KIFAP3: variants seen among roughly 807,000 people sequenced by gnomAD.
The protein encoded by KIFAP3 is kinesin associated protein 3, also known as kinesin-associated protein 3.
In KIFAP3, 68 loss-of-function variants were observed where a neutral mutation model predicts 106.5. The observed-to-expected ratio is 0.64, with a 90% CI of 0.53 to 0.78. KIFAP3 has a LOEUF of 0.78. Ranked by LOEUF, KIFAP3 falls within the 30% of genes least tolerant of loss-of-function variation. The pLI is 0.00. For missense variants in KIFAP3, 780 were observed against 941.8 expected, an observed-to-expected ratio of 0.83 and a Z score of 2.25; for synonymous variants, 320 against 311.5, an observed-to-expected ratio of 1.03 and a Z score of -0.29.
intron 9 of KIFAP3, among the ~76,000 whole-genome samples, chr1:170,017,878 G>A (rs1668604732): frequency 6.6e-6 from 1 of 152,244 alleles, no homozygotes; most frequent in East Asian, 1.9e-4. Context: ...GGCAATGAAG[G>A]CAAAAAATTA....
chr1:170,062,173 A>G (rs1671198000), intron 1 of KIFAP3, among the ~76,000 whole-genome samples: 2 of 151,378 alleles, frequency 1.3e-5, no homozygotes, highest in African/African-American at 4.9e-5. Context: ...TTAAAAAAAG[A>G]GTAAAATAAA....
At chr1:169,935,367 C>CA (rs1663732338) in intron 19 of KIFAP3, among the ~76,000 whole-genome samples, 1 of 152,018 alleles carries the variant, frequency 6.6e-6, no homozygotes, top group Non-Finnish European at 1.5e-5. Context: ...ACTGTCTACA[C>CA]AAATCTGGAT....
intron 19 of KIFAP3, among the ~76,000 whole-genome samples, chr1:169,924,801 G>T (rs935689631): frequency 1.6e-4 from 24 of 152,202 alleles, no homozygotes; most frequent in Admixed American, 8.5e-4. Context: ...AACAGAAGCA[G>T]ATAGATTCTT....
Position 170,024,413 on chromosome 1 carries a change from G to T in KIFAP3, c.1020+5C>A, listed in dbSNP as rs768282518. 1 of 1,532,014 alleles carries T rather than the reference G, an allele frequency of 6.5e-7. No individual in the cohort carries two copies. The highest frequency in any genetic ancestry group is 8.8e-7 in the Non-Finnish European group (1 of 1,134,306). 94.9% of individuals were successfully genotyped at this position (1,532,014 alleles called of 1,614,324 possible). A position where few individuals can be genotyped will look rare whatever the true frequency, so the allele number is the denominator to read the frequency against. On this transcript the variant is annotated splice_donor_5th_base_variant and intron_variant, in intron 9 of 19. Transcript: ENST00000361580. ...ACTATTTCAAGAAAAAGCTTTGTAA[G>T]TTACCATATCATTTTTATTCTCCAT...
chr1:169,983,871 G>A (rs983718307), intron 12 of KIFAP3, among the ~76,000 whole-genome samples: 4 of 151,728 alleles, frequency 2.6e-5, no homozygotes, highest in Non-Finnish European at 5.9e-5. Flanking sequence ...GAAAATAAGT[G>A]GCAATGAACT....
chr1:169,926,686 C>T (rs114533683), intron 19 of KIFAP3, among the ~76,000 whole-genome samples: 42,842 of 121,502 alleles, frequency 0.35, 7,160 homozygotes, highest in East Asian at 0.61. Flanking sequence ...TGTGTGTACA[C>T]ACACACACAC....
chr1:170,022,554 C>T (rs1668899830), intron 9 of KIFAP3, among the ~76,000 whole-genome samples: 1 of 152,104 alleles, frequency 6.6e-6, no homozygotes, highest in Admixed American at 6.6e-5. Flanking sequence ...TCCTCTCCTA[C>T]TTCATCTGTG....
chr1:170,005,125 C>A (rs1248701861), intron 10 of KIFAP3, among the ~76,000 whole-genome samples: 1 of 151,300 alleles, frequency 6.6e-6, no homozygotes, highest in Non-Finnish European at 1.5e-5. Flanking sequence ...CATCACTGGC[C>A]ATCAGAGAAA....
At position 169,954,029 on chromosome 1, in the gene KIFAP3, T is replaced by C. The variant is rs201157159; in HGVS notation, c.2255A>G (p.Gln752Arg). The change falls in exon 19 of 20, where the codon CAG (glutamine) becomes CGG (arginine). Residue 752 changes from glutamine to arginine, a missense_variant. Coordinates refer to ENST00000361580, the MANE Select transcript of KIFAP3 (RefSeq NM_014970.4). ...TGTTTACCTGCCAGGAAATGAATGC[T>C]GCCCAACAACATCTCCATTTTGAAG... Reference protein sequence around the residue: ...YHLQNGDVVGQHSFPGSLGMD... With the variant: ...YHLQNGDVVGRHSFPGSLGMD... 17 of 1,612,828 alleles carry C rather than the reference T, an allele frequency of 1.1e-5. No homozygotes were observed. The highest frequency in any genetic ancestry group is 1.1e-5 in the South Asian group (1 of 91,060).
At chr1:169,946,387 A>T (rs1379518209) in intron 19 of KIFAP3, among the ~76,000 whole-genome samples, 1 of 152,108 alleles carries the variant, frequency 6.6e-6, no homozygotes, top group Non-Finnish European at 1.5e-5. Context: ...AAACTGGGTA[A>T]ACAGTATGTC....
At position 169,992,956 on chromosome 1, in the gene KIFAP3, A is replaced by G. The variant is rs114120753; in HGVS notation, c.1184-701T>C. Among the ~76,000 whole-genome samples the G allele has an allele frequency of 5.0e-3, 762 of 152,278 alleles. 6 individuals are homozygous for G. The highest frequency in any genetic ancestry group is 0.017 in the African/African-American group (709 of 41,562). The stretch of plus-strand genomic sequence containing the variant: ...ACTTACAATCTCAAAGTCAGTGATA[A>G]AACTAGAGCCAGAAAAGTTGCCTAA... On this transcript the variant is annotated intron_variant, in intron 10 of 19. Transcript: ENST00000361580.
At chr1:169,927,417 G>T (rs987863226) in intron 19 of KIFAP3, among the ~76,000 whole-genome samples, 2 of 152,146 alleles carry the variant, frequency 1.3e-5, no homozygotes. Flanking sequence ...TAATATAAGA[G>T]TATATTAGAG....
Position 170,055,379 on chromosome 1 carries a change from G to C in KIFAP3, c.90C>G (p.His30Gln). The part of the protein sequence containing the change: ...VHPSEKALIV[H>Q]YEVEATILGE... ...CAAGAATGGTAGCTTCCACTTCATA[G>C]TGAACAATGAGTGCTTTTTCTGATG... Residue 30 changes from histidine to glutamine, a missense_variant, in exon 2 of 20, where the codon CAC (histidine) becomes CAG (glutamine). Physicochemically the swap from His to Gln is conservative, Grantham distance 24. Coordinates refer to ENST00000361580, the MANE Select transcript of KIFAP3 (RefSeq NM_014970.4). 1 of 1,610,024 alleles carries C rather than the reference G, an allele frequency of 6.2e-7. No individual in the cohort carries two copies. Among genetic ancestry groups the C allele is most frequent in the Non-Finnish European group, 8.5e-7 (1 of 1,177,836 alleles).
At chr1:169,978,770 T>C (rs1256926999) in intron 15 of KIFAP3, among the ~76,000 whole-genome samples, 1 of 152,116 alleles carries the variant, frequency 6.6e-6, no homozygotes, top group Admixed American at 6.6e-5. Flanking sequence ...GATTTAATAG[T>C]ATAGTTTGCT....
intron 11 of KIFAP3, chr1:169,990,109 C>G: frequency 6.8e-7 from 1 of 1,463,600 alleles, no homozygotes; most frequent in Non-Finnish European, 9.2e-7. Context: ...GAAAATAGAG[C>G]GATTTACTCT....
chr1:169,943,411 C>T (rs974144528), intron 19 of KIFAP3, among the ~76,000 whole-genome samples: 2 of 152,072 alleles, frequency 1.3e-5, no homozygotes, highest in African/African-American at 4.8e-5. Context: ...TAGATTAAAT[C>T]TACCTTAAAT....
At chr1:170,076,162 T>C (rs539247088), upstream of KIFAP3, among the ~76,000 whole-genome samples, 11 of 152,156 alleles carry the variant, frequency 7.2e-5, 1 homozygote, top group African/African-American at 2.4e-4. Context: ...TAGTTGTCAC[T>C]GAATAAAAAT....
At chr1:169,929,129 A>G (rs1005162869) in intron 19 of KIFAP3, among the ~76,000 whole-genome samples, 21 of 152,200 alleles carry the variant, frequency 1.4e-4, no homozygotes, top group African/African-American at 5.1e-4. Flanking sequence ...ACTGAGTATC[A>G]GGTACTTCTA....
chr1:169,964,243 A>G (rs1289504279), intron 17 of KIFAP3, among the ~76,000 whole-genome samples: 1 of 152,198 alleles, frequency 6.6e-6, no homozygotes, highest in Admixed American at 6.5e-5. Flanking sequence ...TACCTTAATT[A>G]AAGTAACGGC....
Sources: allele counts gnomAD v4.1 joint callset (sites outside exome capture counted in the v4.1 genomes callset), GRCh38; gene constraint gnomAD v4.1.1; transcripts MANE v1.5; gene names NCBI Gene and HGNC (gene_info 2026-07-23, HGNC 2026-07-21).